KALRN: variants seen among roughly 807,000 people sequenced by gnomAD.
KALRN encodes the protein kalirin.
A neutral mutation model predicts 353.7 loss-of-function variants in KALRN; 70 were observed. That is an observed-to-expected ratio of 0.20 (90% CI 0.16 to 0.24). The LOEUF (loss-of-function observed/expected upper bound fraction) is 0.24, where lower values mean the gene tolerates loss of function less well. KALRN is among the 10% of genes least tolerant of loss of function. The pLI is 1.00. For missense variants in KALRN, 2,791 were observed against 3,756.7 expected (o/e 0.74, Z 6.72); for synonymous variants, 1,391 against 1,434.8 (o/e 0.97, Z 0.69).
At chr3:124,067,719 C>T (rs2042491828) in intron 1 of KALRN, among the ~76,000 whole-genome samples, 2 of 152,214 alleles carry the variant, frequency 1.3e-5, no homozygotes, top group South Asian at 2.1e-4. Context: ...CAGGAGGGCA[C>T]AGCAGGTAGG....
chr3:124,388,624 T>G (rs1373667686), intron 11 of KALRN, among the ~76,000 whole-genome samples: 1 of 152,204 alleles, frequency 6.6e-6, no homozygotes, highest in Non-Finnish European at 1.5e-5. Flanking sequence ...GAAGAGTCCC[T>G]TCAATCACAT....
chr3:124,672,243 C>T lies in KALRN; in HGVS notation c.6942+345C>T, dbSNP rs1185996188. ...GATTACAGGTGTGAGCCACTGCACC[C>T]GGCCAGGAAGTAGCATCTTTTAATG... On this transcript the variant is annotated intron_variant, in intron 48 of 59. Coordinates refer to ENST00000682506, the MANE Select transcript of KALRN (RefSeq NM_001388419.1). Among the ~76,000 whole-genome samples, 6 of 152,186 alleles carry T rather than the reference C, an allele frequency of 3.9e-5. No homozygotes were observed. The South Asian group carries it at 6.2e-4, about 16-fold the overall frequency.
rs1296262020 is a variant in KALRN, at chr3:124,695,411, T to C, written c.7578-723T>C. 3.9e-5 allele frequency among the ~76,000 whole-genome samples: 6 copies of C among 152,224 alleles called. No homozygotes were observed. In the East Asian group the frequency reaches 1.2e-3, roughly 29 times the overall value. On this transcript the variant is annotated intron_variant, in intron 53 of 59. Transcript: ENST00000682506. The stretch of plus-strand genomic sequence containing the variant: ...GGAAAAAGAAGAAGACCATCATTCC[T>C]TGGTATTCCCAGCAGAGACCATAAA...
At chr3:124,417,228 C>T (rs924224405) in intron 14 of KALRN, among the ~76,000 whole-genome samples, 2 of 152,242 alleles carry the variant, frequency 1.3e-5, no homozygotes, top group African/African-American at 2.4e-5. Context: ...CCACCACCAA[C>T]TAGCAGTCTG....
At chr3:124,184,003 G>A (rs2073926664) in intron 1 of KALRN, among the ~76,000 whole-genome samples, 1 of 152,188 alleles carries the variant, frequency 6.6e-6, no homozygotes, top group Non-Finnish European at 1.5e-5. Flanking sequence ...GGGGACAGAA[G>A]AAGGGGCAAT....
At chr3:124,491,857 T>G (rs1292667986) in intron 31 of KALRN, among the ~76,000 whole-genome samples, 2 of 152,218 alleles carry the variant, frequency 1.3e-5, no homozygotes, top group Non-Finnish European at 2.9e-5. Context: ...GATAACTATG[T>G]ATAAGATATG....
At chr3:124,363,734 ACT>A (rs1468997420) in intron 10 of KALRN, among the ~76,000 whole-genome samples, 1 of 152,154 alleles carries the variant, frequency 6.6e-6, no homozygotes, top group East Asian at 1.9e-4. Flanking sequence ...GGCTTCTTTC[ACT>A]GTTTGAGGGC....
chr3:124,112,434 G>A (rs1486060552), intron 1 of KALRN, among the ~76,000 whole-genome samples: 3 of 152,064 alleles, frequency 2.0e-5, no homozygotes, highest in Non-Finnish European at 2.9e-5. Context: ...CACAGAAGGC[G>A]AGGTATGAAG....
At chr3:124,212,428 T>C (rs1024560732) in intron 1 of KALRN, among the ~76,000 whole-genome samples, 1 of 152,174 alleles carries the variant, frequency 6.6e-6, no homozygotes. Context: ...CATTCTTCCA[T>C]GAAATTAAAA....
At chr3:124,637,656 A>G (rs1279457032) in intron 37 of KALRN, among the ~76,000 whole-genome samples, 2 of 152,204 alleles carry the variant, frequency 1.3e-5, no homozygotes, top group African/African-American at 4.8e-5. Flanking sequence ...CGATGCTGAG[A>G]CCCAGAACAC....
chr3:124,678,700 C>T (rs2087476989), intron 50 of KALRN: 1 of 165,402 alleles, frequency 6.0e-6, no homozygotes. Context: ...GCCTTCCAAA[C>T]CCCCAACCCT....
At chr3:124,703,444 A>G (rs531096937) in intron 57 of KALRN, among the ~76,000 whole-genome samples, 1 of 152,306 alleles carries the variant, frequency 6.6e-6, no homozygotes, top group Non-Finnish European at 1.5e-5. Context: ...CACAAACATT[A>G]TTTAATTTAA....
At position 124,430,673 on chromosome 3, in the gene KALRN, C is replaced by T; in HGVS notation, c.2727C>T (p.Arg909=). The T allele has an allele frequency of 6.2e-7, 1 of 1,614,124 alleles. No homozygotes were observed. Among genetic ancestry groups the T allele is most frequent in the South Asian group, 1.1e-5 (1 of 91,084 alleles). The part of the protein sequence containing the change: ...AEVKQVLGWI[R]NGESMLNASL... Reference sequence around the variant, plus strand: ...TTCCCTAGGTTCTGGGATGGATCCGCAATGGAGAGTCAATGCTCAACGCCA... The same window carrying T: ...TTCCCTAGGTTCTGGGATGGATCCGTAATGGAGAGTCAATGCTCAACGCCA... Residue 909 remains arginine (R), a synonymous_variant, in exon 16 of 60, where the codon CGC becomes CGT. Transcript: ENST00000682506.
At chr3:124,330,273 CA>C (rs1261634687) in intron 8 of KALRN, among the ~76,000 whole-genome samples, 4 of 151,700 alleles carry the variant, frequency 2.6e-5, no homozygotes, top group African/African-American at 9.7e-5. Context: ...CACACACACA[CA>C]CACACACACA....
In KALRN at chr3:124,298,826, C is replaced by T; in HGVS notation, c.1005C>T (p.Phe335=). The change falls in exon 6 of 60, where the codon TTC becomes TTT. Residue 335 remains phenylalanine (F), a synonymous_variant. Transcript: ENST00000682506. ...FDWISHNKEL[F]LQSHTEIGVS... ...GGATAAGCCACAACAAGGAGTTATT[C>T]CTCCAGAGCCACACGGAGATCGGAG... The T allele has an allele frequency of 1.2e-6, 2 of 1,614,106 alleles. No individual in the cohort carries two copies. Among genetic ancestry groups the T allele is most frequent in the Non-Finnish European group, 1.7e-6 (2 of 1,179,948 alleles).
intron 1 of KALRN, among the ~76,000 whole-genome samples, chr3:124,129,279 C>T (rs2065021330): frequency 1.3e-5 from 2 of 152,112 alleles, no homozygotes; most frequent in Non-Finnish European, 1.5e-5. Flanking sequence ...GTCCCATGTT[C>T]TTCCTACTGT....
intron 1 of KALRN, among the ~76,000 whole-genome samples, chr3:124,137,792 A>G (rs1444926451): frequency 6.6e-5 from 10 of 152,156 alleles, no homozygotes. Context: ...AAGGCTAAAA[A>G]TGGTGCTCTG....
intron 33 of KALRN, among the ~76,000 whole-genome samples, chr3:124,548,850 C>T (rs996359300): frequency 1.3e-5 from 2 of 152,208 alleles, no homozygotes; most frequent in Non-Finnish European, 2.9e-5. Context: ...GATGAGGTTT[C>T]ATCATCTTGG....
At chr3:124,503,142 A>G (rs2064798704) in intron 33 of KALRN, among the ~76,000 whole-genome samples, 1 of 152,164 alleles carries the variant, frequency 6.6e-6, no homozygotes, top group Non-Finnish European at 1.5e-5. Flanking sequence ...AATATTTCTT[A>G]TTAGGGAGAG....
Sources: allele counts gnomAD v4.1 joint callset (sites outside exome capture counted in the v4.1 genomes callset), GRCh38; gene constraint gnomAD v4.1.1; transcripts MANE v1.5; gene names NCBI Gene and HGNC (gene_info 2026-07-23, HGNC 2026-07-21).